GRID2: variants seen among roughly 807,000 people sequenced by gnomAD.
GRID2 encodes glutamate receptor ionotropic, delta-2.
GRID2 carries 33 observed loss-of-function variants against 114.8 expected under a neutral mutation model. That is an observed-to-expected ratio of 0.29 (90% CI 0.22 to 0.38). The LOEUF (loss-of-function observed/expected upper bound fraction) is 0.38, where lower values mean the gene tolerates loss of function less well. Ranked by LOEUF, GRID2 falls within the 10% of genes least tolerant of loss-of-function variation. The pLI is 1.00. For synonymous variants in GRID2, 505 were observed against 449.9 expected, an observed-to-expected ratio of 1.12 and a Z score of -1.55; for missense variants, 1,184 against 1,257.7, an observed-to-expected ratio of 0.94 and a Z score of 0.89.
intron 8 of GRID2, among the ~76,000 whole-genome samples, chr4:93,343,654 C>A (rs1759889612): frequency 6.7e-6 from 1 of 148,274 alleles, no homozygotes; most frequent in Non-Finnish European, 1.5e-5. Flanking sequence ...TCATTGATTC[C>A]TTTGTTCTGA....
intron 2 of GRID2, among the ~76,000 whole-genome samples, chr4:92,868,663 T>C (rs1378929663): frequency 6.6e-6 from 1 of 152,068 alleles, no homozygotes; most frequent in Non-Finnish European, 1.5e-5. Context: ...TAAATTGTGT[T>C]TGACATGTAG....
intron 2 of GRID2, among the ~76,000 whole-genome samples, chr4:92,975,065 G>A (rs2149177737): frequency 6.6e-6 from 1 of 150,404 alleles, no homozygotes; most frequent in African/African-American, 2.4e-5. Context: ...GCTGAGGCAG[G>A]AGAATGGCGT....
chr4:92,497,157 GAGACT>G (rs1723430128), intron 1 of GRID2, among the ~76,000 whole-genome samples: 1 of 151,734 alleles, frequency 6.6e-6, no homozygotes, highest in African/African-American at 2.4e-5. Flanking sequence ...AAAAATCTTT[GAGACT>G]TTGTTGTTCA....
At chr4:92,560,990 G>A (rs764192953) in intron 1 of GRID2, among the ~76,000 whole-genome samples, 1 of 152,132 alleles carries the variant, frequency 6.6e-6, no homozygotes, top group African/African-American at 2.4e-5. Context: ...TTACAGGTGT[G>A]AGCCAAGGCA....
intron 2 of GRID2, among the ~76,000 whole-genome samples, chr4:92,658,452 C>T (rs191415316): frequency 4.0e-5 from 6 of 151,780 alleles, no homozygotes; most frequent in Non-Finnish European, 5.9e-5. Flanking sequence ...TTAGATTAGC[C>T]ACGCTGGTAA....
At chr4:92,744,161 G>A (rs1013768577) in intron 2 of GRID2, among the ~76,000 whole-genome samples, 1 of 152,050 alleles carries the variant, frequency 6.6e-6, no homozygotes, top group Admixed American at 6.6e-5. Flanking sequence ...GCAGAACAAG[G>A]AGAAAAGAAA....
At chr4:92,642,119 A>G (rs917274715) in intron 2 of GRID2, among the ~76,000 whole-genome samples, 3 of 151,510 alleles carry the variant, frequency 2.0e-5, no homozygotes, top group African/African-American at 7.3e-5. Context: ...GGGTGCATGT[A>G]TCTTTTTGTA....
At chr4:92,856,245 T>C (rs1014145436) in intron 2 of GRID2, among the ~76,000 whole-genome samples, 5 of 152,090 alleles carry the variant, frequency 3.3e-5, no homozygotes, top group African/African-American at 1.2e-4. Flanking sequence ...TTTTCTATTA[T>C]CATATTTTCA....
chr4:93,494,312 G>A (rs192342534), intron 12 of GRID2, among the ~76,000 whole-genome samples: 51 of 151,796 alleles, frequency 3.4e-4, no homozygotes, highest in Non-Finnish European at 5.3e-4. Context: ...AAAATTCAGC[G>A]TTGCTTCTGC....
chr4:92,556,762 G>C (rs191189638), intron 1 of GRID2, among the ~76,000 whole-genome samples: 1 of 152,236 alleles, frequency 6.6e-6, no homozygotes, highest in Admixed American at 6.6e-5. Context: ...CCTCTCCACA[G>C]AGTAGTTTAC....
Position 93,791,001 on chromosome 4 carries a change from T to A in GRID2, c.222-15714T>A, listed in dbSNP as rs555319573. Among the ~76,000 whole-genome samples, 4 of 152,352 alleles carry A rather than the reference T, an allele frequency of 2.6e-5. No individual in the cohort carries two copies. The East Asian group carries it at 7.7e-4, about 29-fold the overall frequency. ...TCAAAATAGTGTTCTACCGTTATTA[T>A]TCTGTACAAATTTCTGTTTAATATA... On this transcript the variant is annotated intron_variant, in intron 1 of 1. Coordinates refer to the GRID2 transcript ENST00000637838.
intron 14 of GRID2, among the ~76,000 whole-genome samples, chr4:93,664,969 T>G (rs1436704258): frequency 2.0e-5 from 3 of 152,226 alleles, no homozygotes; most frequent in Non-Finnish European, 4.4e-5. Context: ...AAAATCATCA[T>G]GACAGTAGGT....
At chr4:92,492,974 CA>C (rs1723214258) in intron 1 of GRID2, among the ~76,000 whole-genome samples, 1 of 151,522 alleles carries the variant, frequency 6.6e-6, no homozygotes, top group Non-Finnish European at 1.5e-5. Flanking sequence ...ACTAAAAATA[CA>C]AAAATTAGCC....
chr4:93,225,617 C>G lies in GRID2; in HGVS notation c.1125+842C>G, dbSNP rs983613449. Among the ~76,000 whole-genome samples the G allele has an allele frequency of 9.2e-5, 14 of 151,888 alleles. No homozygotes were observed. The East Asian group carries it at 2.1e-3, about 23-fold the overall frequency. On this transcript the variant is annotated intron_variant, in intron 7 of 15. Coordinates refer to ENST00000282020, the MANE Select transcript of GRID2 (RefSeq NM_001510.4). ...TTTCCTGAAACCCAAAGAAAAATAG[C>G]TAGTCAATTGAAATATAAATGCCCT...
At chr4:92,349,723 C>T (rs1727967505) in intron 1 of GRID2, among the ~76,000 whole-genome samples, 1 of 151,228 alleles carries the variant, frequency 6.6e-6, no homozygotes, top group South Asian at 2.1e-4. Flanking sequence ...ATTTTGTATT[C>T]CTATAAAAAT....
chr4:92,962,238 A>C (rs753851436), intron 2 of GRID2, among the ~76,000 whole-genome samples: 53 of 151,618 alleles, frequency 3.5e-4, no homozygotes, highest in Admixed American at 1.3e-3. Context: ...TTGTTTTTTT[A>C]ATATATATCT....
At chr4:92,769,182 C>CA (rs1392264238) in intron 2 of GRID2, among the ~76,000 whole-genome samples, 1 of 152,184 alleles carries the variant, frequency 6.6e-6, no homozygotes, top group African/African-American at 2.4e-5. Context: ...AAAGGGGCTA[C>CA]AGGCCCTGTG....
intron 11 of GRID2, among the ~76,000 whole-genome samples, chr4:93,477,365 C>A (rs556936747): frequency 2.5e-4 from 38 of 152,098 alleles, no homozygotes; most frequent in Non-Finnish European, 4.4e-4. Context: ...GAAGGTCATT[C>A]AGCCATAGCA....
chr4:93,466,046 TG>T (rs1560649223), intron 11 of GRID2, among the ~76,000 whole-genome samples: 3 of 152,118 alleles, frequency 2.0e-5, no homozygotes, highest in Admixed American at 6.5e-5. Context: ...ACTTAGGTTT[TG>T]GGGGGATTAA....
Sources: gnomAD v4.1 joint callset for allele counts (sites outside exome capture counted in the v4.1 genomes callset) on GRCh38, gnomAD v4.1.1 for gene constraint, MANE v1.5 for transcripts, NCBI Gene and HGNC (gene_info 2026-07-23, HGNC 2026-07-21) for gene names.